The following PCDH7 variants were observed in gnomAD, a reference collection of about 807,000 sequenced individuals.
The protein encoded by PCDH7 is protocadherin 7.
PCDH7 carries 17 observed loss-of-function variants against 58.9 expected under a neutral mutation model. The ratio of observed to expected loss-of-function variants is 0.29; its 90% CI spans 0.20 to 0.43. PCDH7 has a LOEUF of 0.43. PCDH7 is among the 20% of genes least tolerant of loss of function. PCDH7 has a pLI of 1.00. For synonymous variants in PCDH7, 664 were observed against 616.4 expected (o/e 1.08, Z -1.14); for missense variants, 1,274 against 1,441.0 (o/e 0.88, Z 1.88).
chr4:30,940,942 A>G (rs1745961298), intron 2 of PCDH7, among the ~76,000 whole-genome samples: 1 of 151,908 alleles, frequency 6.6e-6, no homozygotes, highest in Non-Finnish European at 1.5e-5. Context: ...TACATAATGA[A>G]ATGAGATATA....
intron 2 of PCDH7, among the ~76,000 whole-genome samples, chr4:30,945,611 A>G (rs1173198120): frequency 1.3e-5 from 2 of 151,832 alleles, no homozygotes; most frequent in African/African-American, 4.8e-5. Flanking sequence ...AGTATTCTCT[A>G]TTTATTTTTT....
intron 1 of PCDH7, among the ~76,000 whole-genome samples, chr4:30,779,317 G>T (rs936533001): frequency 1.3e-5 from 2 of 151,980 alleles, no homozygotes; most frequent in African/African-American, 4.8e-5. Flanking sequence ...GAGCCACTAG[G>T]CCCAGCCCCT....
At chr4:30,911,905 C>G (rs1318182793) in intron 1 of PCDH7, among the ~76,000 whole-genome samples, 4 of 151,910 alleles carry the variant, frequency 2.6e-5, no homozygotes, top group Admixed American at 6.6e-5. Flanking sequence ...AAATTAATAT[C>G]ATTGTTTTGT....
chr4:30,733,862 A>G (rs1715870353), downstream of PCDH7, among the ~76,000 whole-genome samples: 1 of 152,220 alleles, frequency 6.6e-6, no homozygotes, highest in African/African-American at 2.4e-5. Context: ...ATATAGAAGA[A>G]TTCCTTAAAA....
chr4:30,996,751 T>A (rs932495051), intron 3 of PCDH7, among the ~76,000 whole-genome samples: 2 of 152,374 alleles, frequency 1.3e-5, no homozygotes, highest in African/African-American at 4.8e-5. Context: ...GGTTTAATTA[T>A]AAGACAATTG....
chr4:30,811,378 A>G (rs1319641612), intron 1 of PCDH7, among the ~76,000 whole-genome samples: 1 of 152,188 alleles, frequency 6.6e-6, no homozygotes, highest in Non-Finnish European at 1.5e-5. Flanking sequence ...AGGGACGCCA[A>G]ACATAATCAA....
chr4:30,788,706 A>G (rs1260639039), intron 1 of PCDH7, among the ~76,000 whole-genome samples: 11 of 152,254 alleles, frequency 7.2e-5, no homozygotes, highest in Non-Finnish European at 1.3e-4. Context: ...TAAGATAAAC[A>G]GATTTGACTG....
intron 2 of PCDH7, among the ~76,000 whole-genome samples, chr4:30,931,763 G>A (rs1391689180): frequency 6.6e-6 from 1 of 150,936 alleles, no homozygotes; most frequent in African/African-American, 2.4e-5. Flanking sequence ...GGGCATAGTG[G>A]CATCCCTTGA....
intron 2 of PCDH7, among the ~76,000 whole-genome samples, chr4:30,928,399 G>C (rs772373741): frequency 6.6e-6 from 1 of 152,108 alleles, no homozygotes; most frequent in African/African-American, 2.4e-5. Context: ...GGTGTCTCTT[G>C]TTTCATGGGG....
intron 1 of PCDH7, among the ~76,000 whole-genome samples, chr4:30,822,157 T>G (rs934073855): frequency 6.6e-6 from 1 of 152,152 alleles, no homozygotes; most frequent in Non-Finnish European, 1.5e-5. Context: ...AACTCCTTGA[T>G]AGTGAGGTCA....
At chr4:30,857,491 C>T (rs571574877) in intron 1 of PCDH7, among the ~76,000 whole-genome samples, 15 of 152,186 alleles carry the variant, frequency 9.9e-5, no homozygotes, top group African/African-American at 3.6e-4. Flanking sequence ...TGCAGAACTT[C>T]CTGCAAATCT....
At chr4:31,003,184 C>T (rs1448007419) in intron 3 of PCDH7, among the ~76,000 whole-genome samples, 1 of 152,066 alleles carries the variant, frequency 6.6e-6, no homozygotes, top group Non-Finnish European at 1.5e-5. Context: ...CAGAAGCATA[C>T]TTTCATTTAA....
chr4:30,928,815 G>A (rs1744213223), intron 2 of PCDH7, among the ~76,000 whole-genome samples: 1 of 152,080 alleles, frequency 6.6e-6, no homozygotes, highest in East Asian at 1.9e-4. Flanking sequence ...TACTGGCCTG[G>A]AGGCTTCATT....
intron 3 of PCDH7, among the ~76,000 whole-genome samples, chr4:31,124,543 A>G (rs1718069891): frequency 6.6e-6 from 1 of 152,322 alleles, no homozygotes; most frequent in South Asian, 2.1e-4. Context: ...ATAGGAATGT[A>G]CTTGAGTGCT....
At position 31,079,359 on chromosome 4, in the gene PCDH7, TATATAC is replaced by T. The variant is rs1197483615; in HGVS notation, c.*8-63112_*8-63107del. On this transcript the variant is annotated intron_variant, in intron 3 of 3. Coordinates refer to the PCDH7 transcript ENST00000509759. ...ATATATATATATATATATATATATA[TATATAC>T]ACCACATTTTCAAAATAGACAGAAT... 5.3e-3 allele frequency among the ~76,000 whole-genome samples: 447 copies of T among 84,958 alleles called. 27 individuals are homozygous for T. Among genetic ancestry groups the T allele is most frequent in the African/African-American group, 8.3e-3 (165 of 19,934 alleles). The allele number at this position is 84,958 out of a possible 152,430, so 55.7% of individuals were successfully genotyped here. A position where few individuals can be genotyped will look rare whatever the true frequency, so the allele number is the denominator to read the frequency against.
chr4:30,878,970 A>T (rs761613715), intron 1 of PCDH7, among the ~76,000 whole-genome samples: 1 of 152,152 alleles, frequency 6.6e-6, no homozygotes, highest in Non-Finnish European at 1.5e-5. Flanking sequence ...CCAGTCACCT[A>T]ACTAATATAG....
At chr4:31,086,980 T>TC (rs1712519745) in intron 3 of PCDH7, among the ~76,000 whole-genome samples, 1 of 152,124 alleles carries the variant, frequency 6.6e-6, no homozygotes, top group South Asian at 2.1e-4. Flanking sequence ...TAGATACATT[T>TC]CCCCAAACAG....
At chr4:30,777,817 C>G (rs1302427077) in intron 1 of PCDH7, among the ~76,000 whole-genome samples, 1 of 152,088 alleles carries the variant, frequency 6.6e-6, no homozygotes, top group Non-Finnish European at 1.5e-5. Context: ...ATAACTCTAT[C>G]TGAATAACAA....
chr4:30,831,292 C>T (rs372013662), intron 1 of PCDH7, among the ~76,000 whole-genome samples: 19 of 152,188 alleles, frequency 1.2e-4, no homozygotes, highest in African/African-American at 2.6e-4. Context: ...TTTGTGCCAC[C>T]GTCTTGAGAC....
Sources: allele counts gnomAD v4.1 joint callset (sites outside exome capture counted in the v4.1 genomes callset), GRCh38; gene constraint gnomAD v4.1.1; transcripts MANE v1.5; gene names NCBI Gene and HGNC (gene_info 2026-07-23, HGNC 2026-07-21).